Variants in SYNRG observed in about 807,000 individuals in gnomAD.
SYNRG encodes the protein AP1 gamma subunit binding protein 1.
Under a neutral mutation model 130.9 loss-of-function variants are expected in SYNRG, and 37 were observed. That is an observed-to-expected ratio of 0.28 (90% CI 0.22 to 0.37). SYNRG has a LOEUF of 0.37. Ranked by LOEUF, SYNRG falls within the 10% of genes least tolerant of loss-of-function variation. The pLI, the probability that SYNRG is intolerant of heterozygous loss-of-function variation, is 1.00. For synonymous variants in SYNRG, 539 were observed against 568.1 expected (o/e 0.95, Z 0.73); for missense variants, 1,338 against 1,588.9 (o/e 0.84, Z 2.68).
At chr17:37,544,974 C>T (rs896565536) in intron 14 of SYNRG, among the ~76,000 whole-genome samples, 2 of 151,926 alleles carry the variant, frequency 1.3e-5, no homozygotes, top group Admixed American at 1.3e-4. Context: ...AATCCCAGCA[C>T]TTTGGGAGGC....
chr17:37,581,229 C>T (rs1461380161), intron 6 of SYNRG, among the ~76,000 whole-genome samples: 1 of 151,864 alleles, frequency 6.6e-6, no homozygotes. Flanking sequence ...AGCTCATTAA[C>T]AATACTATTT....
chr17:37,553,229 G>C lies in SYNRG; in HGVS notation c.2494C>G (p.Leu832Val), dbSNP rs2058839506. The change falls in exon 14 of 22, where the codon CTC becomes GTC. Residue 832 changes from leucine to valine, a missense_variant. Coordinates refer to ENST00000612223, the MANE Select transcript of SYNRG (RefSeq NM_007247.6). ...AATTTCATGTCAAACTGAACAGAGA[G>C]TGCATCTTCAGAGTCCTCCTTGCCA... The part of the protein sequence containing the change: ...SVGKEDSEDA[L>V]SVQFDMKLAD... 1 of 1,613,910 alleles carries C rather than the reference G, an allele frequency of 6.2e-7. No homozygotes were observed. Among genetic ancestry groups the C allele is most frequent in the African/African-American group, 1.3e-5 (1 of 74,906 alleles).
intron 1 of SYNRG, among the ~76,000 whole-genome samples, chr17:37,603,768 A>C (rs1358824110): frequency 6.6e-6 from 1 of 152,254 alleles, no homozygotes; most frequent in African/African-American, 2.4e-5. Context: ...GACTATAGGC[A>C]GAGTAGATTT....
chr17:37,537,542 A>G (rs1249588299), intron 18 of SYNRG: 1 of 152,318 alleles, frequency 6.6e-6, no homozygotes, highest in Non-Finnish European at 1.5e-5. Context: ...AGGTGGGATG[A>G]TTGCTTGCGC....
At chr17:37,578,665 G>A (rs1433571025) in intron 6 of SYNRG, among the ~76,000 whole-genome samples, 1 of 152,202 alleles carries the variant, frequency 6.6e-6, no homozygotes, top group South Asian at 2.1e-4. Context: ...CTCAAGCCAG[G>A]ATGTGTAGCT....
At position 37,535,985 on chromosome 17, in the gene SYNRG, T is replaced by G; in HGVS notation, c.3660A>C (p.Thr1220=). 1 of 1,613,754 alleles carries G rather than the reference T, an allele frequency of 6.2e-7. No individual in the cohort carries two copies. The highest frequency in any genetic ancestry group is 8.5e-7 in the Non-Finnish European group (1 of 1,179,948). Residue 1220 remains threonine, a synonymous_variant, in exon 19 of 22, where the codon ACA becomes ACC. Transcript: ENST00000612223. ...NNLIGFMSLA[T]LTPDENSLDF... is the part of the protein sequence containing the mutation. ...AGTTGTCTCATGGGCTTACTGTGAG[T>G]GTGGCGAGTGACATGAAGCCGATTA...
chr17:37,594,185 A>G (rs1205631675), intron 3 of SYNRG, among the ~76,000 whole-genome samples: 1 of 133,788 alleles, frequency 7.5e-6, no homozygotes, highest in Non-Finnish European at 1.6e-5. Flanking sequence ...TACAATATTA[A>G]TTATTTTAAT....
intron 1 of SYNRG, among the ~76,000 whole-genome samples, chr17:37,604,619 G>A (rs965703822): frequency 2.0e-5 from 3 of 152,210 alleles, no homozygotes; most frequent in African/African-American, 7.2e-5. Flanking sequence ...TCCTGGAATA[G>A]GACTTTTAAT....
intron 19 of SYNRG, among the ~76,000 whole-genome samples, chr17:37,528,061 T>C (rs373383075): frequency 2.0e-5 from 3 of 152,166 alleles, no homozygotes; most frequent in African/African-American, 4.8e-5. Context: ...GGAAGTAACA[T>C]AGAGTAGGAA....
At chr17:37,550,641 A>G (rs1299887297) in intron 14 of SYNRG, among the ~76,000 whole-genome samples, 1 of 152,174 alleles carries the variant, frequency 6.6e-6, no homozygotes, top group Non-Finnish European at 1.5e-5. Context: ...AGTAAATTTG[A>G]AGGCACATTC....
At chr17:37,554,815 T>C (rs1286090802) in intron 13 of SYNRG, among the ~76,000 whole-genome samples, 1 of 152,182 alleles carries the variant, frequency 6.6e-6, no homozygotes, top group African/African-American at 2.4e-5. Context: ...GAGCACTTAT[T>C]TTTATTTATT....
intron 17 of SYNRG, among the ~76,000 whole-genome samples, chr17:37,538,687 C>T (rs1002367428): frequency 4.6e-5 from 7 of 152,224 alleles, no homozygotes; most frequent in African/African-American, 4.8e-5. Flanking sequence ...CCCTGACTCC[C>T]GGGTTCAAGT....
At position 37,581,545 on chromosome 17, in the gene SYNRG, T is replaced by C. The variant is rs1292675878; in HGVS notation, c.589+3103A>G. 5.3e-5 allele frequency among the ~76,000 whole-genome samples: 8 copies of C among 152,136 alleles called. No individual in the cohort carries two copies. In the East Asian group the frequency reaches 1.5e-3, roughly 29 times the overall value. Reference sequence around the variant, plus strand: ...TGCCTGCCTTGGTCTCCCAAAGTGTTGGGATTATAGGCGTGAGCCACCACG... The same window carrying C: ...TGCCTGCCTTGGTCTCCCAAAGTGTCGGGATTATAGGCGTGAGCCACCACG... On this transcript the variant is annotated intron_variant, in intron 6 of 21. Transcript: ENST00000612223.
rs1285392446 is a variant in SYNRG, at chr17:37,553,507, G to A, written c.2216C>T (p.Thr739Ile). Residue 739 changes from threonine to isoleucine, a missense_variant, in exon 14 of 22, where the codon ACT (threonine) becomes ATT (isoleucine). Physicochemically the swap from Thr to Ile is moderately conservative, Grantham distance 89 (BLOSUM62 -1). Transcript: ENST00000612223. ...GACATCGTACTTGGTAGACGCAGCA[G>A]TCGAGTTTTGTCCACCCTTCACTGT... ...GSTVKGGQNS[T>I]AASTKYDVFR... 4 of 1,614,116 alleles carry A rather than the reference G, an allele frequency of 2.5e-6. No individual in the cohort carries two copies. The highest frequency in any genetic ancestry group is 3.4e-6 in the Non-Finnish European group (4 of 1,180,040).
At chr17:37,565,715 G>A (rs1798630809) in intron 11 of SYNRG, among the ~76,000 whole-genome samples, 1 of 150,570 alleles carries the variant, frequency 6.6e-6, no homozygotes, top group African/African-American at 2.4e-5. Flanking sequence ...GGGATGTGAG[G>A]AGCGCCTCTG....
At chr17:37,549,802 G>T (rs886683988) in intron 14 of SYNRG, among the ~76,000 whole-genome samples, 1 of 151,550 alleles carries the variant, frequency 6.6e-6, no homozygotes, top group African/African-American at 2.4e-5. Flanking sequence ...ATGTTGCCTA[G>T]GCTGGTCATG....
At chr17:37,548,301 G>A (rs1311891951) in intron 14 of SYNRG, among the ~76,000 whole-genome samples, 1 of 152,096 alleles carries the variant, frequency 6.6e-6, no homozygotes, top group African/African-American at 2.4e-5. Flanking sequence ...AAATTTGTTA[G>A]GAAGCACATA....
At chr17:37,590,190 A>G (rs1297464782) in intron 3 of SYNRG, among the ~76,000 whole-genome samples, 2 of 150,210 alleles carry the variant, frequency 1.3e-5, no homozygotes, top group African/African-American at 5.0e-5. Flanking sequence ...AAGAAAAGAA[A>G]AGAAAAGAAA....
At chr17:37,577,919 C>T (rs775137432) in intron 6 of SYNRG, among the ~76,000 whole-genome samples, 1 of 150,954 alleles carries the variant, frequency 6.6e-6, no homozygotes, top group African/African-American at 2.4e-5. Context: ...AGGCTGGTCT[C>T]GAACTCCTGA....
Sources: gnomAD v4.1 joint callset for allele counts (sites outside exome capture counted in the v4.1 genomes callset) on GRCh38, gnomAD v4.1.1 for gene constraint, MANE v1.5 for transcripts, NCBI Gene and HGNC (gene_info 2026-07-23, HGNC 2026-07-21) for gene names.